Variants in PCNT observed in about 807,000 individuals in gnomAD.
PCNT encodes the protein kendrin.
Under a neutral mutation model 380.4 loss-of-function variants are expected in PCNT, and 319 were observed. The ratio of observed to expected loss-of-function variants is 0.84; its 90% CI spans 0.77 to 0.92. PCNT has a LOEUF of 0.92. PCNT is among the 40% of genes least tolerant of loss of function. The probability of loss-of-function intolerance (pLI) is 0.00; values close to 1 mark genes in which losing one functional copy is unlikely to be tolerated. For synonymous variants in PCNT, 1,845 were observed against 1,735.2 expected, an observed-to-expected ratio of 1.06 and a Z score of -1.57; for missense variants, 4,400 against 4,255.3, an observed-to-expected ratio of 1.03 and a Z score of -0.95.
In PCNT at chr21:46,371,356, C is replaced by T. The variant is rs2085121298; in HGVS notation, c.3165+4217C>T. On this transcript the variant is annotated intron_variant, in intron 15 of 46. Transcript: ENST00000359568. ...CTCCCAAGTAGCTGGGATACAGGCA[C>T]GGGCCACCACGCCTCGCTAATTTTT... 3.3e-5 allele frequency among the ~76,000 whole-genome samples: 5 copies of T among 151,812 alleles called. 1 individual carries two copies. Among genetic ancestry groups the T allele is most frequent in the South Asian group, 4.2e-4 (2 of 4,800 alleles).
chr21:46,328,039 T>G (rs2083445013), intron 2 of PCNT, among the ~76,000 whole-genome samples: 1 of 152,228 alleles, frequency 6.6e-6, no homozygotes, highest in Non-Finnish European at 1.5e-5. Context: ...GTGTCCCTGC[T>G]GCTGCAGCAG....
chr21:46,358,903 C>G (rs541141440), intron 13 of PCNT, among the ~76,000 whole-genome samples: 1 of 151,762 alleles, frequency 6.6e-6, no homozygotes, highest in South Asian at 2.1e-4. Flanking sequence ...TGGGTTCATG[C>G]CATTCTCCTG....
chr21:46,445,218 A>C (rs778120934), intron 46 of PCNT, 66 bp from the exon 47 acceptor site: 14 of 1,091,680 alleles, frequency 1.3e-5, no homozygotes, highest in Non-Finnish European at 1.7e-5. Flanking sequence ...AAAATTGTGG[A>C]ATTCTTTTCA....
chr21:46,335,597 C>CA (rs397796372), intron 3 of PCNT, among the ~76,000 whole-genome samples: 55,640 of 141,264 alleles, frequency 0.39, 10,850 homozygotes, highest in Admixed American at 0.48. Flanking sequence ...TTCCATCTCA[C>CA]AAAAAAAAAA....
chr21:46,414,026 C>G (rs2086910924), intron 29 of PCNT, among the ~76,000 whole-genome samples: 1 of 147,528 alleles, frequency 6.8e-6, no homozygotes. Context: ...GAGTCTTGCT[C>G]TGTCGCCCAG....
rs773776687 is a variant in PCNT at position 46,366,955 on chromosome 21, G to A, written c.2981G>A (p.Arg994Gln). The A allele has an allele frequency of 2.5e-6, 4 of 1,614,092 alleles. No individual in the cohort carries two copies. Among genetic ancestry groups the A allele is most frequent in the East Asian group, 2.2e-5 (1 of 44,890 alleles). ...CACAGGCAGGCCCTAGAGCTCTTAC[G>A]AGCAGACTTTGAGGAACAACTGTGG... ...EEHRQALELL[R>Q]ADFEEQLWKK... The change falls in exon 15 of 47, where the codon CGA becomes CAA. Residue 994 changes from arginine to glutamine, a missense_variant. Physicochemically the swap from Arg to Gln is conservative, Grantham distance 43. Transcript: ENST00000359568.
chr21:46,402,309 TC>T (rs758566008), intron 26 of PCNT, 21 bp from the exon 27 acceptor site: 1 of 1,523,306 alleles, frequency 6.6e-7, no homozygotes, highest in Non-Finnish European at 9.1e-7. Context: ...TTAATACTTT[TC>T]TTCTTTTGTT....
At chr21:46,393,986 C>G (rs1186186384) in intron 21 of PCNT, among the ~76,000 whole-genome samples, 1 of 152,224 alleles carries the variant, frequency 6.6e-6, no homozygotes, top group African/African-American at 2.4e-5. Context: ...TTCGCAGGCT[C>G]GGGCCAACTT....
intron 1 of PCNT, chr21:46,325,267 T>A: frequency 1.1e-6 from 1 of 926,170 alleles, no homozygotes; most frequent in Non-Finnish European, 1.3e-6. Context: ...AGAGCGGGGC[T>A]CCCGGGCACG....
intron 3 of PCNT, among the ~76,000 whole-genome samples, chr21:46,344,383 G>A (rs956557163): frequency 6.6e-6 from 1 of 152,156 alleles, no homozygotes; most frequent in South Asian, 2.1e-4. Context: ...CCGAGCTCCT[G>A]ACATTGAAGG....
chr21:46,398,532 C>G (rs1449845780), intron 24 of PCNT, among the ~76,000 whole-genome samples: 2 of 152,274 alleles, frequency 1.3e-5, no homozygotes, highest in Admixed American at 1.3e-4. Flanking sequence ...TGCAGTGTCA[C>G]AGCCAGTATG....
chr21:46,326,707 G>A lies in PCNT; in HGVS notation c.267+118G>A, dbSNP rs1391959575. On this transcript the variant is annotated intron_variant, in intron 2 of 46. Coordinates refer to ENST00000359568, the MANE Select transcript of PCNT (RefSeq NM_006031.6). ...CCTTTCAAAAGTGAGGAAAGAGGGT[G>A]TTATTTTAGTTTATAAAAAGTGAGG... is the stretch of plus-strand genomic sequence containing the variant. 11 of 1,113,718 alleles carry A rather than the reference G, an allele frequency of 9.9e-6. No individual in the cohort carries two copies. In the Admixed American group the frequency reaches 1.8e-4, roughly 18 times the overall value. The allele number at this position is 1,113,718 out of a possible 1,614,324, so 69.0% of individuals were successfully genotyped here.
chr21:46,349,146 T>A lies in PCNT; in HGVS notation c.1167T>A (p.Ala389=), dbSNP rs942704114. The change falls in exon 7 of 47, where the codon GCT becomes GCA. Residue 389 remains alanine, a synonymous_variant. Transcript: ENST00000359568. ...AGAAAGAATTGGCAGAACAGAGAGC[T>A]GAGTTGGAGAAGATTTTTCAAGACA... ...QFQKELAEQR[A]ELEKIFQDKN... is the part of the protein sequence containing the mutation. The A allele has an allele frequency of 1.9e-6, 3 of 1,613,876 alleles. No homozygotes were observed. In the African/African-American group the frequency reaches 4.0e-5, roughly 22 times the overall value.
Position 46,346,203 on chromosome 21 carries a change from A to C in PCNT, c.715A>C (p.Ser239Arg). 6.5e-7 allele frequency: 1 copy of C among 1,539,008 alleles called. No homozygotes were observed. Among genetic ancestry groups the C allele is most frequent in the Non-Finnish European group, 8.8e-7 (1 of 1,132,792 alleles). The change falls in exon 4 of 47, where the codon AGT (serine) becomes CGT (arginine). Residue 239 changes from serine to arginine, a missense_variant. Transcript: ENST00000359568. ...TGAAGATGAGGCTGGCCTGCATCAG[A>C]GTCAGGTGACCCGGCGGGGCCTGCA... ...GREDEAGLHQ[S>R]QAVHGLELEA...
chr21:46,357,798 C>T (rs867305788), intron 13 of PCNT, among the ~76,000 whole-genome samples: 3 of 152,322 alleles, frequency 2.0e-5, no homozygotes, highest in Middle Eastern at 3.4e-3. Flanking sequence ...GGCACAAGCC[C>T]GGGTGCCAAG....
intron 7 of PCNT, 51 bp from the exon 8 acceptor site, chr21:46,349,633 T>C (rs2084196130): frequency 3.1e-6 from 5 of 1,592,664 alleles, no homozygotes; most frequent in Admixed American, 1.7e-5. Flanking sequence ...GAGGTCGCTG[T>C]TGAGGAGAGT....
At position 46,366,837 on chromosome 21, in the gene PCNT, G is replaced by A; in HGVS notation, c.2863G>A (p.Ala955Thr). ...GGCCGAACTGCAGACAAAACACGCT[G>A]CCGACCTCGGCGCTCTGGAGACCAG... is the stretch of plus-strand genomic sequence containing the variant. ...RVAELQTKHAADLGALETRHL... is the reference protein window; with the variant it reads ...RVAELQTKHATDLGALETRHL... Residue 955 changes from alanine (A) to threonine (T), a missense_variant, in exon 15 of 47, where the codon GCC becomes ACC. Ala to Thr is a moderately conservative substitution (Grantham distance 58). Transcript: ENST00000359568. 3.1e-6 allele frequency: 5 copies of A among 1,613,974 alleles called. No individual in the cohort carries two copies. Among genetic ancestry groups the A allele is most frequent in the Non-Finnish European group, 3.4e-6 (4 of 1,180,050 alleles).
At chr21:46,359,050 C>T (rs764077520) in intron 13 of PCNT, among the ~76,000 whole-genome samples, 1 of 152,028 alleles carries the variant, frequency 6.6e-6, no homozygotes, top group African/African-American at 2.4e-5. Flanking sequence ...CCTCGTGATC[C>T]ACCCGCCTCA....
rs1555954786 is a variant in PCNT at position 46,353,985 on chromosome 21, A to G, written c.1680-2A>G. The G allele has an allele frequency of 6.2e-7, 1 of 1,612,966 alleles. No homozygotes were observed. Among genetic ancestry groups the G allele is most frequent in the Non-Finnish European group, 8.5e-7 (1 of 1,178,948 alleles). On this transcript the variant is annotated splice_acceptor_variant, in intron 10 of 46. Coordinates refer to ENST00000359568, the MANE Select transcript of PCNT (RefSeq NM_006031.6). LOFTEE classifies it high-confidence loss of function. ...AGCTTTTATAAAATGTTTTCCCTTCAGGTTGTCCTGTGTGGGTTTAGAAGA... is the reference window on the plus strand; with the variant it reads ...AGCTTTTATAAAATGTTTTCCCTTCGGGTTGTCCTGTGTGGGTTTAGAAGA...
Sources: allele counts gnomAD v4.1 joint callset (sites outside exome capture counted in the v4.1 genomes callset), GRCh38; gene constraint gnomAD v4.1.1; transcripts MANE v1.5; gene names NCBI Gene and HGNC (gene_info 2026-07-23, HGNC 2026-07-21).